PREP: variants seen among roughly 807,000 people sequenced by gnomAD.
The protein encoded by PREP is prolyl endopeptidase, also known as dJ355L5.1 (prolyl endopeptidase).
A neutral mutation model predicts 87.6 loss-of-function variants in PREP; 29 were observed. The ratio of observed to expected loss-of-function variants is 0.33; its 90% confidence interval spans 0.25 to 0.45. The LOEUF is 0.45. Ranked by LOEUF, PREP falls within the 20% of genes least tolerant of loss-of-function variation. The pLI, the probability that PREP is intolerant of heterozygous loss-of-function variation, is 1.00. For synonymous variants in PREP, 337 were observed against 328.6 expected (o/e 1.03, Z -0.28); for missense variants, 695 against 886.5 (o/e 0.78, Z 2.74).
intron 2 of PREP, among the ~76,000 whole-genome samples, chr6:105,379,332 G>A (rs1772775865): frequency 6.6e-6 from 1 of 152,212 alleles, no homozygotes; most frequent in African/African-American, 2.4e-5. Flanking sequence ...CCCTTTACAG[G>A]AAGTTTGCTG....
At chr6:105,387,440 G>C (rs1363831992) in intron 2 of PREP, among the ~76,000 whole-genome samples, 1 of 152,038 alleles carries the variant, frequency 6.6e-6, no homozygotes, top group Non-Finnish European at 1.5e-5. Context: ...ATGATTTACA[G>C]TGTGCTTTTC....
chr6:105,355,250 T>C (rs1772066107), intron 6 of PREP, among the ~76,000 whole-genome samples: 3 of 152,124 alleles, frequency 2.0e-5, no homozygotes, highest in Non-Finnish European at 2.9e-5. Flanking sequence ...CATGCTCAGC[T>C]AATTTTTGTA....
At chr6:105,391,846 G>A (rs970890016) in intron 2 of PREP, among the ~76,000 whole-genome samples, 15 of 152,198 alleles carry the variant, frequency 9.9e-5, no homozygotes, top group Admixed American at 3.3e-4. Flanking sequence ...ACACATACCA[G>A]AGGGAAATTT....
At chr6:105,287,972 A>T (rs1463327365) in intron 11 of PREP, among the ~76,000 whole-genome samples, 1 of 152,260 alleles carries the variant, frequency 6.6e-6, no homozygotes, top group Non-Finnish European at 1.5e-5. Context: ...AGCACACAAT[A>T]GTCTAAAATA....
At chr6:105,379,026 A>T (rs918791221) in intron 2 of PREP, among the ~76,000 whole-genome samples, 1 of 152,240 alleles carries the variant, frequency 6.6e-6, no homozygotes, top group African/African-American at 2.4e-5. Flanking sequence ...TTTAAAAACA[A>T]GAGACAAGGG....
At chr6:105,306,959 A>G (rs1366735148) in intron 10 of PREP, among the ~76,000 whole-genome samples, 1 of 152,102 alleles carries the variant, frequency 6.6e-6, no homozygotes, top group Non-Finnish European at 1.5e-5. Context: ...CTTTTGTACA[A>G]GCTATTCATT....
At chr6:105,356,781 G>C (rs1267572324) in intron 6 of PREP, among the ~76,000 whole-genome samples, 1 of 152,176 alleles carries the variant, frequency 6.6e-6, no homozygotes, top group Non-Finnish European at 1.5e-5. Context: ...GTGTACAGCA[G>C]GAGGACTAGT....
rs1773476833 is a variant in PREP, at chr6:105,403,007, G to A, written c.-116C>T. On this transcript the variant is annotated 5_prime_UTR_variant, in exon 1 of 15. Coordinates refer to ENST00000652536, the MANE Select transcript of PREP (RefSeq NM_002726.5). ...CGCAGGCAGCTGCGGGGCGGCCGGC[G>A]GCAGCGGGCGGCCGGCTCACGGCCA... 2.6e-6 allele frequency: 1 copy of A among 384,888 alleles called. No individual in the cohort carries two copies. The highest frequency in any genetic ancestry group is 2.1e-5 in the African/African-American group (1 of 47,172). The allele number at this position is 384,888 out of a possible 1,614,324, so 23.8% of individuals were successfully genotyped here.
At chr6:105,311,793 A>G (rs367737914) in intron 10 of PREP, among the ~76,000 whole-genome samples, 3 of 152,324 alleles carry the variant, frequency 2.0e-5, no homozygotes, top group African/African-American at 7.2e-5. Context: ...CAATGCTGAC[A>G]GAGAATTTCT....
Position 105,274,363 on chromosome 6 carries a change from T to C in PREP, c.*3781A>G. 6.6e-6 allele frequency among the ~76,000 whole-genome samples: 1 copy of C among 152,222 alleles called. No individual in the cohort carries two copies. The highest frequency in any genetic ancestry group is 2.4e-5 in the African/African-American group (1 of 41,456). On this transcript the variant is annotated 3_prime_UTR_variant, in exon 15 of 15. Coordinates refer to ENST00000652536, the MANE Select transcript of PREP (RefSeq NM_002726.5). Reference sequence around the variant, plus strand: ...CCCATTCATGAGGATTCCGCTCTCATGACCCATCGCCTCCTGAAGGCCCTG... The same window carrying C: ...CCCATTCATGAGGATTCCGCTCTCACGACCCATCGCCTCCTGAAGGCCCTG...
At chr6:105,354,282 T>C (rs1772034165) in intron 6 of PREP, among the ~76,000 whole-genome samples, 1 of 152,202 alleles carries the variant, frequency 6.6e-6, no homozygotes. Context: ...CCTAAAATGC[T>C]TCCCAGTGTA....
chr6:105,353,103 G>A, intron 6 of PREP, 26 bp from the exon 7 acceptor site: 2 of 1,513,340 alleles, frequency 1.3e-6, no homozygotes, highest in Non-Finnish European at 1.8e-6. Flanking sequence ...AAATAGTGCA[G>A]GGGACTAATT....
At chr6:105,347,850 T>C (rs1771838327) in intron 7 of PREP, among the ~76,000 whole-genome samples, 1 of 152,120 alleles carries the variant, frequency 6.6e-6, no homozygotes, top group South Asian at 2.1e-4. Flanking sequence ...CCATCTCTAT[T>C]TTATATTTAA....
chr6:105,386,441 C>A (rs1772996661), intron 2 of PREP, among the ~76,000 whole-genome samples: 1 of 152,070 alleles, frequency 6.6e-6, no homozygotes, highest in Non-Finnish European at 1.5e-5. Flanking sequence ...GGAGGTACAA[C>A]TGGAGCTCCA....
chr6:105,291,687 C>G (rs556504403), intron 10 of PREP, among the ~76,000 whole-genome samples: 1 of 152,258 alleles, frequency 6.6e-6, no homozygotes, highest in Admixed American at 6.5e-5. Flanking sequence ...ATTGTGGGAC[C>G]TTGTGATCAT....
chr6:105,390,508 T>A (rs540174197), intron 2 of PREP, among the ~76,000 whole-genome samples: 2 of 152,366 alleles, frequency 1.3e-5, no homozygotes, highest in East Asian at 3.9e-4. Flanking sequence ...CTAACTCATG[T>A]GCCCAAGCTC....
Position 105,320,739 on chromosome 6 carries a change from T to C in PREP, c.1317+2926A>G, listed in dbSNP as rs1770983607. Among the ~76,000 whole-genome samples the C allele has an allele frequency of 4.6e-5, 7 of 152,304 alleles. No individual in the cohort carries two copies. In the South Asian group the frequency reaches 1.5e-3, roughly 32 times the overall value. ...TACTCTTTTCAAGTCACCTATGAGG[T>C]AAATACAAACCCCAGGGTCAAGTGG... On this transcript the variant is annotated intron_variant, in intron 10 of 14. Coordinates refer to ENST00000652536, the MANE Select transcript of PREP (RefSeq NM_002726.5).
At chr6:105,335,988 T>G (rs573403104) in intron 7 of PREP, among the ~76,000 whole-genome samples, 6 of 152,360 alleles carry the variant, frequency 3.9e-5, no homozygotes, top group African/African-American at 1.4e-4. Flanking sequence ...CTGGCTATGG[T>G]GGCTCACATC....
intron 4 of PREP, among the ~76,000 whole-genome samples, chr6:105,374,405 T>C (rs1772633814): frequency 6.6e-6 from 1 of 152,058 alleles, no homozygotes; most frequent in African/African-American, 2.4e-5. Flanking sequence ...TAAACGTTAT[T>C]GGGTAATGAA....
Sources: allele counts gnomAD v4.1 joint callset (sites outside exome capture counted in the v4.1 genomes callset), GRCh38; gene constraint gnomAD v4.1.1; transcripts MANE v1.5; gene names NCBI Gene and HGNC (gene_info 2026-07-23, HGNC 2026-07-21).